Variants in HS3ST5 observed in about 807,000 individuals in gnomAD.
The protein encoded by HS3ST5 is heparan sulfate-glucosamine 3-sulfotransferase 5, also known as heparan sulfate glucosamine 3-O-sulfotransferase 5.
In HS3ST5, 10 loss-of-function variants were observed where a neutral mutation model predicts 25.4. The ratio of observed to expected loss-of-function variants is 0.39; its 90% confidence interval spans 0.24 to 0.67. The LOEUF (loss-of-function observed/expected upper bound fraction) is 0.67. HS3ST5 is among the 30% of genes least tolerant of loss of function. The probability of loss-of-function intolerance (pLI) is 0.44; values close to 1 mark genes in which losing one functional copy is unlikely to be tolerated. For synonymous variants in HS3ST5, 170 were observed against 162.4 expected (o/e 1.05, Z -0.36); for missense variants, 324 against 420.7 (o/e 0.77, Z 2.01).
chr6:114,291,070 C>T (rs1403495638), intron 1 of HS3ST5, among the ~76,000 whole-genome samples: 1 of 152,022 alleles, frequency 6.6e-6, no homozygotes, highest in Non-Finnish European at 1.5e-5. Flanking sequence ...AATGGGCTCT[C>T]ATTCTCAGGC....
chr6:114,199,042 G>C (rs1358996299), intron 2 of HS3ST5, among the ~76,000 whole-genome samples: 2 of 152,076 alleles, frequency 1.3e-5, no homozygotes, highest in Non-Finnish European at 2.9e-5. Context: ...CCAAGACATA[G>C]GGCAACTGTC....
At chr6:114,326,043 AT>A in intron 1 of HS3ST5, among the ~76,000 whole-genome samples, 1 of 151,560 alleles carries the variant, frequency 6.6e-6, no homozygotes, top group African/African-American at 2.4e-5. Flanking sequence ...TTGCAATGCA[AT>A]AATTTACTTT....
chr6:114,100,032 AATATGTTTT>A (rs1015082251), intron 3 of HS3ST5, among the ~76,000 whole-genome samples: 1 of 152,176 alleles, frequency 6.6e-6, no homozygotes, highest in Non-Finnish European at 1.5e-5. Flanking sequence ...TTCATATTCT[AATATGTTTT>A]ACCTTTTATC....
intron 1 of HS3ST5, among the ~76,000 whole-genome samples, chr6:114,276,623 C>CA (rs1562261260): frequency 1.0e-4 from 13 of 128,598 alleles, no homozygotes; most frequent in African/African-American, 3.0e-4. Flanking sequence ...AAAAAAAAAA[C>CA]AAAAAAACAA....
rs1028552132 is a variant in HS3ST5, at chr6:114,152,075, C to T, written c.-33+16276G>A. Among the ~76,000 whole-genome samples, 8 of 152,040 alleles carry T rather than the reference C, an allele frequency of 5.3e-5. No individual in the cohort carries two copies. In the East Asian group the frequency reaches 1.4e-3, roughly 26 times the overall value. The stretch of plus-strand genomic sequence containing the variant: ...CCTCCTGGGTAGCTGGGACTACAGG[C>T]GCGTGCCACCATGCCCGGCGAATTT... On this transcript the variant is annotated intron_variant, in intron 3 of 4. Transcript: ENST00000312719.
intron 1 of HS3ST5, among the ~76,000 whole-genome samples, chr6:114,261,840 A>G (rs1023032979): frequency 1.3e-5 from 2 of 152,108 alleles, no homozygotes; most frequent in East Asian, 3.9e-4. Context: ...TTCTGCCTCC[A>G]TATTTATTCA....
rs1446958259 is a variant in HS3ST5 at position 114,304,011 on chromosome 6, A to T, written c.-339+38184T>A. ...GGACCTCAGAGAAGAGAACTAAATC[A>T]TTCAGGACTTCCCCATTGCTTCCAT... On this transcript the variant is annotated intron_variant, in intron 1 of 4. Transcript: ENST00000312719. Among the ~76,000 whole-genome samples the T allele has an allele frequency of 5.2e-4, 79 of 152,238 alleles. 1 individual carries two copies. Among genetic ancestry groups the T allele is most frequent in the Admixed American group, 5.1e-3 (78 of 15,282 alleles).
At chr6:114,126,714 TA>T (rs1777056008) in intron 3 of HS3ST5, among the ~76,000 whole-genome samples, 1 of 152,186 alleles carries the variant, frequency 6.6e-6, no homozygotes, top group African/African-American at 2.4e-5. Context: ...ATTTCCATTT[TA>T]AAGGGGTTTC....
At chr6:114,230,889 C>A (rs551326497) in intron 1 of HS3ST5, among the ~76,000 whole-genome samples, 1 of 152,148 alleles carries the variant, frequency 6.6e-6, no homozygotes, top group South Asian at 2.1e-4. Flanking sequence ...CGCCCGGCCC[C>A]TAAGACGTAC....
rs189835755 is a variant in HS3ST5, at chr6:114,226,419, G to A, written c.-145+2166C>T. On this transcript the variant is annotated intron_variant, in intron 2 of 4. Coordinates refer to ENST00000312719, the MANE Select transcript of HS3ST5 (RefSeq NM_153612.4). ...CTATAAATCTTCAATGTTCATCTTGGAGGAAAAATTTCCCCTTAGTTTTCT... is the reference window on the plus strand; with the variant it reads ...CTATAAATCTTCAATGTTCATCTTGAAGGAAAAATTTCCCCTTAGTTTTCT... Among the ~76,000 whole-genome samples, 441 of 151,806 alleles carry A rather than the reference G, an allele frequency of 2.9e-3. 5 individuals carry two copies. The highest frequency in any genetic ancestry group is 0.028 in the South Asian group (133 of 4,820).
chr6:114,271,307 A>G (rs1773628335), intron 1 of HS3ST5, among the ~76,000 whole-genome samples: 1 of 152,068 alleles, frequency 6.6e-6, no homozygotes, highest in African/African-American at 2.4e-5. Flanking sequence ...CTTTCTTCTT[A>G]CTAATCTCTA....
At chr6:114,066,490 G>A (rs892818558) in intron 3 of HS3ST5, among the ~76,000 whole-genome samples, 4 of 152,070 alleles carry the variant, frequency 2.6e-5, no homozygotes, top group African/African-American at 2.4e-5. Flanking sequence ...AAAATTAGCC[G>A]GGCATGATGG....
intron 1 of HS3ST5, among the ~76,000 whole-genome samples, chr6:114,308,315 G>A (rs961042746): frequency 6.6e-6 from 1 of 152,194 alleles, no homozygotes; most frequent in Non-Finnish European, 1.5e-5. Context: ...GCAGGGCGCG[G>A]TGGCTCATGC....
At chr6:114,276,189 A>G (rs1773846599) in intron 1 of HS3ST5, among the ~76,000 whole-genome samples, 2 of 149,724 alleles carry the variant, frequency 1.3e-5, no homozygotes, top group Admixed American at 1.3e-4. Context: ...TAGTTCTTTA[A>G]TAACACCAAA....
At chr6:114,201,422 C>T (rs190300751) in intron 2 of HS3ST5, among the ~76,000 whole-genome samples, 1,736 of 152,218 alleles carry the variant, frequency 0.011, 46 homozygotes, top group Non-Finnish European at 0.013. Context: ...ACTAGTCTCC[C>T]TGCTTTTACC....
intron 1 of HS3ST5, among the ~76,000 whole-genome samples, chr6:114,322,620 G>A (rs1005485071): frequency 1.3e-5 from 2 of 152,094 alleles, no homozygotes; most frequent in African/African-American, 4.8e-5. Context: ...ACCTGTTTGT[G>A]AAAGGACAAG....
At chr6:114,256,342 T>G (rs1020158420) in intron 1 of HS3ST5, among the ~76,000 whole-genome samples, 1 of 150,550 alleles carries the variant, frequency 6.6e-6, no homozygotes, top group East Asian at 2.0e-4. Context: ...GAGCCGAGAT[T>G]GCGCCACTGC....
At chr6:114,087,715 C>T (rs1394730759) in intron 3 of HS3ST5, among the ~76,000 whole-genome samples, 1 of 152,152 alleles carries the variant, frequency 6.6e-6, no homozygotes, top group Non-Finnish European at 1.5e-5. Context: ...GATTGTGTAG[C>T]CTCAATGTTT....
At chr6:114,082,541 G>T (rs1027107978) in intron 3 of HS3ST5, among the ~76,000 whole-genome samples, 2 of 152,118 alleles carry the variant, frequency 1.3e-5, no homozygotes, top group South Asian at 2.1e-4. Flanking sequence ...AATAAAGTTC[G>T]CATTTATTGA....
Sources: allele counts gnomAD v4.1 joint callset (sites outside exome capture counted in the v4.1 genomes callset), GRCh38; gene constraint gnomAD v4.1.1; transcripts MANE v1.5; gene names NCBI Gene and HGNC (gene_info 2026-07-23, HGNC 2026-07-21).